The following SLC16A14 variants were observed in gnomAD, a reference collection of about 807,000 sequenced individuals.
SLC16A14 encodes monocarboxylate transporter 14.
In SLC16A14, 14 loss-of-function variants were observed where a neutral mutation model predicts 35.8. The ratio of observed to expected loss-of-function variants is 0.39; its 90% CI spans 0.26 to 0.61. The LOEUF (loss-of-function observed/expected upper bound fraction) is 0.61, where lower values mean the gene tolerates loss of function less well. SLC16A14 is among the 20% of genes least tolerant of loss of function. SLC16A14 has a pLI of 0.51. For synonymous variants in SLC16A14, 248 were observed against 258.9 expected (o/e 0.96, Z 0.40); for missense variants, 533 against 655.0 (o/e 0.81, Z 2.03).
chr2:230,037,761 C>T (rs944521426), intron 4 of SLC16A14, among the ~76,000 whole-genome samples: 1 of 151,912 alleles, frequency 6.6e-6, no homozygotes, highest in East Asian at 1.9e-4. Context: ...CCAGTGTTCC[C>T]CGTGCCTACG....
chr2:230,066,485 G>T (rs1365978590), intron 1 of SLC16A14, among the ~76,000 whole-genome samples: 1 of 152,092 alleles, frequency 6.6e-6, no homozygotes, highest in Admixed American at 6.6e-5. Flanking sequence ...AATTGTAAAT[G>T]GGGGGTAACA....
At chr2:230,052,622 A>AT (rs59744513) in intron 2 of SLC16A14, among the ~76,000 whole-genome samples, 667 of 22,578 alleles carry the variant, frequency 0.03, 8 homozygotes, top group Middle Eastern at 0.067. Context: ...GGCGTTTGAG[A>AT]AAAAAAAAAG....
At chr2:230,064,031 A>G (rs1334251838) in intron 1 of SLC16A14, among the ~76,000 whole-genome samples, 1 of 151,864 alleles carries the variant, frequency 6.6e-6, no homozygotes, top group Non-Finnish European at 1.5e-5. Context: ...TGGGAGGTTC[A>G]GGCTGCAGTG....
At chr2:230,064,510 C>T (rs2077777229) in intron 1 of SLC16A14, among the ~76,000 whole-genome samples, 2 of 152,114 alleles carry the variant, frequency 1.3e-5, no homozygotes, top group South Asian at 2.1e-4. Context: ...CTTCCCTCTG[C>T]CTCTGTTGTG....
chr2:230,059,876 C>T (rs2077737448), intron 1 of SLC16A14, among the ~76,000 whole-genome samples: 1 of 152,170 alleles, frequency 6.6e-6, no homozygotes, highest in African/African-American at 2.4e-5. Context: ...TTGTTCAGTG[C>T]AGCCAGAGTG....
Position 230,046,648 on chromosome 2 carries a change from C to A in SLC16A14, c.478G>T (p.Ala160Ser). Residue 160 changes from alanine to serine, a missense_variant, in exon 4 of 5, where the codon GCC (alanine) becomes TCC (serine). Transcript: ENST00000295190. The surrounding 1 kb of genome is among the most constrained non-coding windows in gnomAD (Gnocchi z 5.0). Reference sequence around the variant, plus strand: ...GTCCCCGTGGTGCTGAGGCCCTGGGCGAGGGCGCGTCTCTTCTGGAAATAC... The same window carrying A: ...GTCCCCGTGGTGCTGAGGCCCTGGGAGAGGGCGCGTCTCTTCTGGAAATAC... ...GRYFQKRRALAQGLSTTGTGF... is the reference protein window; with the variant it reads ...GRYFQKRRALSQGLSTTGTGF... 1 of 1,608,014 alleles carries A rather than the reference C, an allele frequency of 6.2e-7. No individual in the cohort carries two copies.
intron 4 of SLC16A14, chr2:230,045,521 C>G: frequency 3.7e-6 from 2 of 541,840 alleles, no homozygotes; most frequent in Non-Finnish European, 6.7e-6. Context: ...GAGCGCACCA[C>G]TGCACTCCAG....
intron 1 of SLC16A14, 36 bp from the exon 2 acceptor site, chr2:230,059,402 C>A: frequency 1.4e-6 from 2 of 1,471,368 alleles, no homozygotes; most frequent in Admixed American, 2.2e-5. Context: ...CATGGAACAT[C>A]AAAAGGAAAA....
intron 1 of SLC16A14, among the ~76,000 whole-genome samples, chr2:230,062,264 G>C (rs1375490378): frequency 6.6e-6 from 1 of 152,010 alleles, no homozygotes; most frequent in Non-Finnish European, 1.5e-5. Flanking sequence ...GGGTAGGAGA[G>C]AGGAGCAGAT....
At position 230,057,607 on chromosome 2, in the gene SLC16A14, GA is replaced by G. The variant is rs1219647390; in HGVS notation, c.259+1486del. On this transcript the variant is annotated intron_variant, in intron 2 of 4. Transcript: ENST00000295190. The stretch of plus-strand genomic sequence containing the variant: ...AACATGGAGAAACCCCATTTCAAAA[GA>G]AAAAAAAAGAAAATACAAGAATATA... Among the ~76,000 whole-genome samples, 6 of 148,932 alleles carry G rather than the reference GA, an allele frequency of 4.0e-5. No homozygotes were observed. The East Asian group carries it at 7.8e-4, about 19-fold the overall frequency.
At position 230,044,226 on chromosome 2, in the gene SLC16A14, C is replaced by A. The variant is rs183247845; in HGVS notation, c.1381+1519G>T. ...TGGTGGCTCATGCCTGTAATCCCAG[C>A]ACTTTGGGAGGCCGAGGCAGGAGGG... On this transcript the variant is annotated intron_variant, in intron 4 of 4. Coordinates refer to ENST00000295190, the MANE Select transcript of SLC16A14 (RefSeq NM_152527.5). 2.0e-3 allele frequency among the ~76,000 whole-genome samples: 309 copies of A among 151,452 alleles called. 1 individual carries two copies. Among genetic ancestry groups the A allele is most frequent in the Non-Finnish European group, 3.2e-3 (220 of 67,914 alleles).
intron 2 of SLC16A14, among the ~76,000 whole-genome samples, chr2:230,051,491 T>G (rs377474060): frequency 3.9e-5 from 6 of 152,172 alleles, no homozygotes; most frequent in African/African-American, 1.2e-4. Context: ...TCAACCTTCT[T>G]TATTCTCCTC....
intron 2 of SLC16A14, among the ~76,000 whole-genome samples, chr2:230,053,057 T>A (rs2106265042): frequency 6.6e-6 from 1 of 152,272 alleles, no homozygotes; most frequent in South Asian, 2.1e-4. Context: ...TTCTCCTGCC[T>A]CAGCCTCCTG....
intron 2 of SLC16A14, among the ~76,000 whole-genome samples, chr2:230,054,456 T>G (rs35963873): frequency 0.21 from 32,151 of 152,144 alleles, 4,161 homozygotes; most frequent in South Asian, 0.33. Flanking sequence ...ATTTACTGAG[T>G]GTGAGATGAA....
chr2:230,042,771 C>A (rs1166769905), intron 4 of SLC16A14, among the ~76,000 whole-genome samples: 1 of 152,174 alleles, frequency 6.6e-6, no homozygotes, highest in Non-Finnish European at 1.5e-5. Flanking sequence ...CACAGCTCCC[C>A]TTGAAGCTTG....
chr2:230,041,112 C>T (rs1054133281), intron 4 of SLC16A14, among the ~76,000 whole-genome samples: 14 of 152,236 alleles, frequency 9.2e-5, no homozygotes, highest in Middle Eastern at 3.4e-3. Context: ...ATTTTCTTTT[C>T]ATTTGAGTCT....
chr2:230,060,778 A>G (rs2077746600), intron 1 of SLC16A14, among the ~76,000 whole-genome samples: 4 of 152,056 alleles, frequency 2.6e-5, no homozygotes, highest in Admixed American at 2.6e-4. Context: ...TATGATGATA[A>G]TGACTAATCC....
chr2:230,055,722 C>A (rs2077698600), intron 2 of SLC16A14, among the ~76,000 whole-genome samples: 1 of 152,158 alleles, frequency 6.6e-6, no homozygotes, highest in African/African-American at 2.4e-5. Flanking sequence ...ATATCTAAGA[C>A]CAACTTATTG....
At chr2:230,047,999 T>A (rs1351273541) in intron 3 of SLC16A14, among the ~76,000 whole-genome samples, 1 of 152,242 alleles carries the variant, frequency 6.6e-6, no homozygotes, top group African/African-American at 2.4e-5. Context: ...TAGATATATA[T>A]TACAAGAAGC....
Sources: gnomAD v4.1 joint callset for allele counts (sites outside exome capture counted in the v4.1 genomes callset) on GRCh38, gnomAD v4.1.1 for gene constraint, Gnocchi (gnomAD v3.1) non-coding constraint, MANE v1.5 for transcripts, NCBI Gene and HGNC (gene_info 2026-07-23, HGNC 2026-07-21) for gene names.